The following PCDH7 variants were observed in gnomAD, a reference collection of about 807,000 sequenced individuals.
PCDH7 encodes protocadherin 7, also known as protocadherin-7.
In PCDH7, 17 loss-of-function variants were observed where a neutral mutation model predicts 58.9. The ratio of observed to expected loss-of-function variants is 0.29; its 90% CI spans 0.20 to 0.43. PCDH7 has a LOEUF of 0.43. Among genes scored for constraint, PCDH7 ranks in the 20% least tolerant of loss-of-function variants. PCDH7 has a pLI of 1.00. For missense variants in PCDH7, 1,274 were observed against 1,441.0 expected (o/e 0.88, Z 1.88); for synonymous variants, 664 against 616.4 (o/e 1.08, Z -1.14).
At chr4:30,969,224 A>G (rs986280476) in intron 3 of PCDH7, among the ~76,000 whole-genome samples, 2 of 152,156 alleles carry the variant, frequency 1.3e-5, no homozygotes, top group Non-Finnish European at 2.9e-5. Context: ...AAGATTTTGA[A>G]TGTCACCCCT....
chr4:30,881,916 G>T (rs1186373715), intron 1 of PCDH7, among the ~76,000 whole-genome samples: 1 of 152,042 alleles, frequency 6.6e-6, no homozygotes, highest in Non-Finnish European at 1.5e-5. Context: ...TATAAATGTG[G>T]ATTATATATA....
intron 3 of PCDH7, among the ~76,000 whole-genome samples, chr4:31,089,433 T>C (rs1408842449): frequency 6.6e-6 from 1 of 152,092 alleles, no homozygotes; most frequent in Admixed American, 6.6e-5. Flanking sequence ...CTTATTTTTT[T>C]AATTTTTCTT....
At chr4:30,886,518 G>C (rs949008229) in intron 1 of PCDH7, among the ~76,000 whole-genome samples, 6 of 145,896 alleles carry the variant, frequency 4.1e-5, no homozygotes, top group Non-Finnish European at 7.6e-5. Flanking sequence ...CTTTTACACT[G>C]TTGGTGGGAC....
At chr4:30,978,336 T>C (rs1379811078) in intron 3 of PCDH7, among the ~76,000 whole-genome samples, 2 of 152,248 alleles carry the variant, frequency 1.3e-5, no homozygotes, top group African/African-American at 4.8e-5. Flanking sequence ...TGTCAGTCAC[T>C]AATTATTTTC....
At position 30,989,821 on chromosome 4, in the gene PCDH7, A is replaced by G. The variant is rs150647250; in HGVS notation, c.*7+39606A>G. 2.8e-4 allele frequency among the ~76,000 whole-genome samples: 43 copies of G among 152,342 alleles called. No individual in the cohort carries two copies. The East Asian group carries it at 8.3e-3, about 29-fold the overall frequency. On this transcript the variant is annotated intron_variant, in intron 3 of 3. Coordinates refer to the PCDH7 transcript ENST00000509759. ...ACCAAAAAATGTATAAATTTCAGTG[A>G]AAAGAGAGAGGGAGAGAGATTGAGA...
chr4:30,901,503 A>G (rs1323030776), intron 1 of PCDH7, among the ~76,000 whole-genome samples: 2 of 152,182 alleles, frequency 1.3e-5, no homozygotes, highest in Non-Finnish European at 2.9e-5. Flanking sequence ...TCAGACATCA[A>G]TATTTTTTTA....
At chr4:31,051,834 G>GGC (rs1553931617) in intron 3 of PCDH7, among the ~76,000 whole-genome samples, 1 of 119,448 alleles carries the variant, frequency 8.4e-6, no homozygotes, top group East Asian at 4.9e-4. Context: ...GGGTGTGTGT[G>GGC]GGGGGCGGGT....
At chr4:30,856,445 C>A (rs1017967998) in intron 1 of PCDH7, among the ~76,000 whole-genome samples, 6 of 151,896 alleles carry the variant, frequency 4.0e-5, no homozygotes, top group Non-Finnish European at 1.5e-5. Context: ...ACAGATTAAA[C>A]TTTGAGCTTC....
At chr4:31,002,092 C>A (rs1443840411) in intron 3 of PCDH7, among the ~76,000 whole-genome samples, 1 of 152,186 alleles carries the variant, frequency 6.6e-6, no homozygotes, top group Non-Finnish European at 1.5e-5. Flanking sequence ...ATTGCTCCCC[C>A]ATCCCTACAA....
At chr4:31,046,635 C>T (rs902193515) in intron 3 of PCDH7, among the ~76,000 whole-genome samples, 5 of 151,840 alleles carry the variant, frequency 3.3e-5, no homozygotes, top group Admixed American at 3.3e-4. Context: ...CAAAAGTATA[C>T]ACACACATGC....
chr4:30,999,939 G>C (rs1268052529), intron 3 of PCDH7, among the ~76,000 whole-genome samples: 1 of 152,148 alleles, frequency 6.6e-6, no homozygotes, highest in Non-Finnish European at 1.5e-5. Context: ...GGCAACATTT[G>C]TATAACCCTA....
At chr4:30,912,752 A>G (rs1227500218) in intron 1 of PCDH7, among the ~76,000 whole-genome samples, 1 of 152,192 alleles carries the variant, frequency 6.6e-6, no homozygotes, top group East Asian at 1.9e-4. Flanking sequence ...TTTTGCCAAT[A>G]AAATCCCCAT....
intron 1 of PCDH7, among the ~76,000 whole-genome samples, chr4:30,766,003 G>A (rs1179098771): frequency 6.6e-6 from 1 of 151,922 alleles, no homozygotes; most frequent in Admixed American, 6.6e-5. Flanking sequence ...AGACGGAGAA[G>A]GGAACCAAAT....
chr4:31,036,211 A>G (rs2109195531), intron 3 of PCDH7, among the ~76,000 whole-genome samples: 1 of 152,206 alleles, frequency 6.6e-6, no homozygotes, highest in Middle Eastern at 3.4e-3. Context: ...TTTGAGATGG[A>G]GTTTCACTCT....
At chr4:31,103,926 T>A (rs1715224761) in intron 3 of PCDH7, among the ~76,000 whole-genome samples, 1 of 152,202 alleles carries the variant, frequency 6.6e-6, no homozygotes, top group African/African-American at 2.4e-5. Context: ...TCATTCTGGA[T>A]CAGTTTAAGA....
chr4:31,016,827 TGTGTGTGTGCTGG>T (rs993799872), intron 3 of PCDH7, among the ~76,000 whole-genome samples: 32 of 150,638 alleles, frequency 2.1e-4, no homozygotes, highest in South Asian at 6.3e-4. Flanking sequence ...GTGCTCGGTG[TGTGTGTGTGCTGG>T]GTGTGTGTGC....
At chr4:30,810,728 C>T (rs1045200089) in intron 1 of PCDH7, among the ~76,000 whole-genome samples, 6 of 151,720 alleles carry the variant, frequency 4.0e-5, no homozygotes, top group South Asian at 2.1e-4. Context: ...CTCCCACCTC[C>T]GTCTCCCAAG....
intron 1 of PCDH7, among the ~76,000 whole-genome samples, chr4:30,773,847 C>A (rs1721728708): frequency 6.6e-6 from 1 of 151,990 alleles, no homozygotes; most frequent in Non-Finnish European, 1.5e-5. Context: ...ATTCTGTGGT[C>A]AGAATTATGT....
intron 1 of PCDH7, among the ~76,000 whole-genome samples, chr4:30,882,188 C>T (rs1296763935): frequency 2.0e-5 from 3 of 148,552 alleles, no homozygotes; most frequent in African/African-American, 7.5e-5. Flanking sequence ...TTCCTCTTTC[C>T]CCTCCCCTTC....
Sources: allele counts gnomAD v4.1 joint callset (sites outside exome capture counted in the v4.1 genomes callset), GRCh38; gene constraint gnomAD v4.1.1; transcripts MANE v1.5; gene names NCBI Gene and HGNC (gene_info 2026-07-23, HGNC 2026-07-21).